Variants in BRSK2 observed in about 807,000 individuals in gnomAD.
The protein encoded by BRSK2 is BR serine/threonine kinase 2.
A neutral mutation model predicts 83.3 loss-of-function variants in BRSK2; 19 were observed. The observed-to-expected ratio is 0.23, with a 90% CI of 0.16 to 0.33. The LOEUF (loss-of-function observed/expected upper bound fraction) is 0.33, where lower values mean the gene tolerates loss of function less well. BRSK2 is among the 10% of genes least tolerant of loss of function. The pLI, the probability that BRSK2 is intolerant of heterozygous loss-of-function variation, is 1.00. For missense variants in BRSK2, 798 were observed against 1,042.3 expected (o/e 0.77, Z 3.23); for synonymous variants, 519 against 435.4 (o/e 1.19, Z -2.39).
At chr11:1,426,270 ATGTGTGTGGGGCG>A (rs1849210188) in intron 1 of BRSK2, among the ~76,000 whole-genome samples, 1 of 143,844 alleles carries the variant, frequency 7.0e-6, no homozygotes, top group Non-Finnish European at 1.5e-5. Flanking sequence ...TGCTCCGGGG[ATGTGTGTGGGGCG>A]TGCTCTGGGG....
In BRSK2 at chr11:1,438,518, C is replaced by A; in HGVS notation, c.272+127C>A. Reference sequence around the variant, plus strand: ...GGGCGCCTGCTGCATCCCAGCAGCCCTGGCCCTGCTAGCATGAACACCTGC... The same window carrying A: ...GGGCGCCTGCTGCATCCCAGCAGCCATGGCCCTGCTAGCATGAACACCTGC... On this transcript the variant is annotated intron_variant, in intron 3 of 19. Transcript: ENST00000528841. This position sits in a 1 kb window ranked among gnomAD's most constrained non-coding sequence, Gnocchi z 6.4. The A allele has an allele frequency of 1.2e-6, 1 of 807,464 alleles. No individual in the cohort carries two copies. Among genetic ancestry groups the A allele is most frequent in the Non-Finnish European group, 2.0e-6 (1 of 493,210 alleles). 50.0% of individuals were successfully genotyped at this position (807,464 alleles called of 1,614,324 possible).
At chr11:1,436,250 G>GGGGGGGGGGGGGGGCCC in intron 2 of BRSK2, 116 bp downstream of exon 2, 1 of 168,876 alleles carries the variant, frequency 5.9e-6, no homozygotes, top group South Asian at 1.3e-4. Flanking sequence ...GGGGGGGCGG[G>GGGGGGGGGGGGGGGCCC]CCCTGCAGGC....
rs568636641 is a variant in BRSK2, at chr11:1,449,978, T to G, written c.1287+142T>G. ...CCCATGCCCACGCTCCTGTGGCGGC[T>G]GCTGCTCTGTGGCGCAGGCTGCTCT... On this transcript the variant is annotated intron_variant, in intron 13 of 19. Transcript: ENST00000528841. 3.0e-4 allele frequency: 185 copies of G among 610,242 alleles called. 1 individual carries two copies. The East Asian group carries it at 5.0e-3, about 16-fold the overall frequency. 37.8% of individuals were successfully genotyped at this position (610,242 alleles called of 1,614,324 possible).
At chr11:1,429,571 C>G (rs1233654922) in intron 1 of BRSK2, among the ~76,000 whole-genome samples, 3 of 105,940 alleles carry the variant, frequency 2.8e-5, no homozygotes, top group Non-Finnish European at 6.0e-5. Context: ...GGTTTTGCCA[C>G]TGTGCTCAGC....
At chr11:1,451,591 T>C (rs1439197056) in intron 15 of BRSK2, among the ~76,000 whole-genome samples, 172 bp downstream of exon 15, 2 of 152,016 alleles carry the variant, frequency 1.3e-5, no homozygotes, top group African/African-American at 2.4e-5. Flanking sequence ...AATTCCCGGC[T>C]GTGAGGGGAA....
intron 13 of BRSK2, 95 bp downstream of exon 13, chr11:1,449,931 TG>T (rs1187722206): frequency 2.1e-5 from 18 of 875,308 alleles, no homozygotes; most frequent in Non-Finnish European, 3.1e-5. Context: ...TCGCGGACCC[TG>T]GGAAGCAGCC....
Position 1,391,150 on chromosome 11 carries a change from A to C in BRSK2, c.91+775A>C, listed in dbSNP as rs1845702027. Reference sequence around the variant, plus strand: ...CCAGAGGCAACCCAGCTACCCTCGCATGTGGCCAACTCTCCCCGGCCCGCT... The same window carrying C: ...CCAGAGGCAACCCAGCTACCCTCGCCTGTGGCCAACTCTCCCCGGCCCGCT... On this transcript the variant is annotated intron_variant, in intron 1 of 19. Transcript: ENST00000528841. Among the ~76,000 whole-genome samples, 3 of 152,196 alleles carry C rather than the reference A, an allele frequency of 2.0e-5. 1 individual carries two copies. The South Asian group carries it at 6.2e-4, about 31-fold the overall frequency.
chr11:1,446,195 C>G lies in BRSK2; in HGVS notation c.1226+288C>G, dbSNP rs138778730. Reference sequence around the variant, plus strand: ...CTGGGCTGGGCTGGGCTAGTTTGGGCTGGGCTAGACTGCACTTGGTTGAGC... The same window carrying G: ...CTGGGCTGGGCTGGGCTAGTTTGGGGTGGGCTAGACTGCACTTGGTTGAGC... On this transcript the variant is annotated intron_variant, in intron 12 of 19. Coordinates refer to ENST00000528841, the MANE Select transcript of BRSK2 (RefSeq NM_001256627.2). 9.9e-4 allele frequency among the ~76,000 whole-genome samples: 133 copies of G among 134,674 alleles called. 1 individual carries two copies. In the East Asian group the frequency reaches 0.027, roughly 28 times the overall value. The allele number at this position is 134,674 out of a possible 152,430, so 88.4% of individuals were successfully genotyped here.
intron 15 of BRSK2, 94 bp downstream of exon 15, chr11:1,451,513 C>T: frequency 7.4e-7 from 1 of 1,345,938 alleles, no homozygotes; most frequent in Non-Finnish European, 1.1e-6. Flanking sequence ...ACGGGGTGCT[C>T]CTTCTCCACG....
Position 1,456,703 on chromosome 11 carries a change from C to T in BRSK2, c.1939+16C>T. 6.3e-7 allele frequency: 1 copy of T among 1,577,302 alleles called. No homozygotes were observed. Among genetic ancestry groups the T allele is most frequent in the Non-Finnish European group, 8.6e-7 (1 of 1,163,094 alleles). ...CACTTGTCAGGTGAGGCGGGCTCAG[C>T]TCCGGCCAACCTGCGGCCTGCGAGT... On this transcript the variant is annotated intron_variant, in intron 18 of 19. Coordinates refer to ENST00000528841, the MANE Select transcript of BRSK2 (RefSeq NM_001256627.2).
intron 19 of BRSK2, chr11:1,459,521 AGGG>A: frequency 2.0e-6 from 1 of 489,918 alleles, no homozygotes; most frequent in Non-Finnish European, 3.7e-6. Flanking sequence ...GAAGCCAGTG[AGGG>A]TCCCGCTGGT....
intron 1 of BRSK2, among the ~76,000 whole-genome samples, chr11:1,434,925 G>A (rs999535363): frequency 6.6e-6 from 1 of 152,058 alleles, no homozygotes; most frequent in African/African-American, 2.4e-5. Context: ...GGGCTCAGGG[G>A]TGTGGCCGGG....
intron 1 of BRSK2, among the ~76,000 whole-genome samples, chr11:1,400,424 C>A (rs1846398475): frequency 6.6e-6 from 1 of 152,182 alleles, no homozygotes; most frequent in South Asian, 2.1e-4. Flanking sequence ...AACCCCTGAC[C>A]CTGGGCGGTG....
intron 1 of BRSK2, among the ~76,000 whole-genome samples, chr11:1,427,400 G>A (rs1244905578): frequency 6.6e-6 from 1 of 152,160 alleles, no homozygotes; most frequent in African/African-American, 2.4e-5. Flanking sequence ...GGCTCCCTTT[G>A]ACTCTCCTGG....
intron 1 of BRSK2, among the ~76,000 whole-genome samples, chr11:1,426,791 G>A (rs1225956352): frequency 1.3e-5 from 2 of 152,076 alleles, no homozygotes; most frequent in African/African-American, 2.4e-5. Flanking sequence ...AGGATGTGGC[G>A]GGGCTGCTGG....
At chr11:1,400,844 C>T (rs1472919746) in intron 1 of BRSK2, among the ~76,000 whole-genome samples, 1 of 152,226 alleles carries the variant, frequency 6.6e-6, no homozygotes, top group Non-Finnish European at 1.5e-5. Context: ...CCCTTCCTGT[C>T]TAGCCATGGC....
rs115088977 is a variant in BRSK2, at chr11:1,401,755, G to A, written c.91+11380G>A. Among the ~76,000 whole-genome samples the A allele has an allele frequency of 8.9e-3, 1,361 of 152,364 alleles. 20 individuals carry two copies. The highest frequency in any genetic ancestry group is 0.03 in the African/African-American group (1,267 of 41,588). ...GAGGAAAGGACCTTATGCCCTGTTCGGGAGGCGGAGAGGCCCTCAGGGAGC... is the reference window on the plus strand; with the variant it reads ...GAGGAAAGGACCTTATGCCCTGTTCAGGAGGCGGAGAGGCCCTCAGGGAGC... On this transcript the variant is annotated intron_variant, in intron 1 of 19. Coordinates refer to ENST00000528841, the MANE Select transcript of BRSK2 (RefSeq NM_001256627.2).
At chr11:1,407,527 C>T (rs542809609) in intron 1 of BRSK2, among the ~76,000 whole-genome samples, 44 of 152,234 alleles carry the variant, frequency 2.9e-4, no homozygotes, top group Non-Finnish European at 4.0e-4. Context: ...CCAGGAGACC[C>T]CTTCCTTCAT....
At position 1,445,850 on chromosome 11, in the gene BRSK2, A is replaced by G. The variant is rs757240167; in HGVS notation, c.1169A>G (p.Asp390Gly). ...RKSMEVLSVT[D>G]GGSPVPARRA... ...TCCATGGAGGTGCTCAGCGTGACGG[A>G]CGGCGGCTCCCCGGTGCCTGCGCGG... is the stretch of plus-strand genomic sequence containing the variant. The change falls in exon 12 of 20, where the codon GAC becomes GGC. Residue 390 changes from aspartate (D) to glycine (G), a missense_variant. Asp to Gly is a moderately conservative substitution (Grantham distance 94). Coordinates refer to ENST00000528841, the MANE Select transcript of BRSK2 (RefSeq NM_001256627.2). The G allele has an allele frequency of 1.9e-6, 3 of 1,612,272 alleles. No individual in the cohort carries two copies. Among genetic ancestry groups the G allele is most frequent in the Admixed American group, 1.7e-5 (1 of 59,998 alleles).
Sources: allele counts gnomAD v4.1 joint callset (sites outside exome capture counted in the v4.1 genomes callset), GRCh38; gene constraint gnomAD v4.1.1; non-coding constraint Gnocchi (gnomAD v3.1); transcripts MANE v1.5; gene names NCBI Gene and HGNC (gene_info 2026-07-23, HGNC 2026-07-21).